The following ADCK1 variants were observed in gnomAD, a reference collection of about 807,000 sequenced individuals.
ADCK1 encodes the protein aarF domain-containing protein kinase 1.
Under a neutral mutation model 52.3 loss-of-function variants are expected in ADCK1, and 41 were observed. That is an observed-to-expected ratio of 0.78 (90% CI 0.61 to 1.02). The LOEUF is 1.02. Ranked by LOEUF, ADCK1 falls within the 50% of genes least tolerant of loss-of-function variation. ADCK1 has a pLI of 0.00. For missense variants in ADCK1, 658 were observed against 679.5 expected (o/e 0.97, Z 0.35); for synonymous variants, 250 against 274.6 (o/e 0.91, Z 0.89).
intron 8 of ADCK1, among the ~76,000 whole-genome samples, chr14:77,925,133 C>T (rs2084159469): frequency 6.6e-6 from 1 of 152,258 alleles, no homozygotes; most frequent in African/African-American, 2.4e-5. Context: ...GGGGATTCTG[C>T]TCCTTCTCTC....
chr14:77,822,221 C>T (rs1006943882), intron 2 of ADCK1, among the ~76,000 whole-genome samples: 5 of 152,096 alleles, frequency 3.3e-5, no homozygotes, highest in Admixed American at 6.6e-5. Flanking sequence ...GCAATTTTGG[C>T]GTGGGCCCCT....
chr14:77,813,869 G>A lies in ADCK1; in HGVS notation c.-11-5099G>A, dbSNP rs185345778. On this transcript the variant is annotated intron_variant, in intron 1 of 10. Coordinates refer to ENST00000238561, the MANE Select transcript of ADCK1 (RefSeq NM_020421.4). ...ACTGCAACCTCTACCTCCTGTTCAA[G>A]TGGTTTTCCTGCCACAGCCTCTTGA... is the stretch of plus-strand genomic sequence containing the variant. 8.1e-4 allele frequency among the ~76,000 whole-genome samples: 122 copies of A among 151,046 alleles called. No homozygotes were observed. In the Middle Eastern group the frequency reaches 0.01, roughly 13 times the overall value.
intron 4 of ADCK1, among the ~76,000 whole-genome samples, chr14:77,862,885 A>T (rs941762476): frequency 2.6e-5 from 4 of 152,144 alleles, no homozygotes; most frequent in Non-Finnish European, 4.4e-5. Context: ...GAGGAGAGAG[A>T]GGTTGCCTTG....
intron 3 of ADCK1, among the ~76,000 whole-genome samples, chr14:77,853,499 A>C (rs1024057899): frequency 6.6e-6 from 1 of 152,168 alleles, no homozygotes; most frequent in African/African-American, 2.4e-5. Flanking sequence ...CAGTTAAGTT[A>C]CCTGAAGTAG....
At chr14:77,808,759 A>G (rs1273295532) in intron 1 of ADCK1, among the ~76,000 whole-genome samples, 2 of 152,156 alleles carry the variant, frequency 1.3e-5, no homozygotes, top group Admixed American at 6.6e-5. Context: ...TATTTTTAGT[A>G]GAGACGGAGT....
intron 4 of ADCK1, among the ~76,000 whole-genome samples, chr14:77,875,804 G>T (rs1217149247): frequency 6.6e-6 from 1 of 152,164 alleles, no homozygotes; most frequent in African/African-American, 2.4e-5. Context: ...TGAGGAGGAA[G>T]CCCAGGAGGG....
At chr14:77,841,793 G>A (rs1468439375) in intron 3 of ADCK1, among the ~76,000 whole-genome samples, 2 of 142,664 alleles carry the variant, frequency 1.4e-5, no homozygotes, top group East Asian at 4.2e-4. Flanking sequence ...GCACTGAGCC[G>A]AGATCACACC....
chr14:77,838,498 G>T (rs893325712), intron 3 of ADCK1, among the ~76,000 whole-genome samples: 1 of 152,148 alleles, frequency 6.6e-6, no homozygotes. Context: ...CCAGGCTCAG[G>T]TGGTTCTCCC....
rs768568212 is a variant in ADCK1 at position 77,925,827 on chromosome 14, A to G, written c.1072A>G (p.Met358Val). 3 of 1,614,212 alleles carry G rather than the reference A, an allele frequency of 1.9e-6. No individual in the cohort carries two copies. Among genetic ancestry groups the G allele is most frequent in the Non-Finnish European group, 1.7e-6 (2 of 1,180,020 alleles). The change falls in exon 9 of 11, where the codon ATG becomes GTG. Residue 358 changes from methionine to valine, a missense_variant. Transcript: ENST00000238561. ...HLWQSLIWTD[M>V]KRVKEYSQRL... ...CTGGCAGTCTCTGATCTGGACTGAC[A>G]TGAAGAGAGTGAAGGAGTACAGCCA...
intron 3 of ADCK1, among the ~76,000 whole-genome samples, chr14:77,826,763 CT>C (rs2081716194): frequency 6.6e-6 from 1 of 152,170 alleles, no homozygotes; most frequent in Non-Finnish European, 1.5e-5. Context: ...AGCATATAAA[CT>C]TTCCTCTGGG....
rs192395435 is a variant in ADCK1 at position 77,931,429 on chromosome 14, C to T, written c.1207-89C>T. On this transcript the variant is annotated intron_variant, in intron 9 of 10. Transcript: ENST00000238561. Reference sequence around the variant, plus strand: ...CTCCCTCCTGGGGCTTCTTTGCAGCCCTCTGGTCACAGCCTGCCAGACCCC... The same window carrying T: ...CTCCCTCCTGGGGCTTCTTTGCAGCTCTCTGGTCACAGCCTGCCAGACCCC... The T allele has an allele frequency of 1.3e-5, 18 of 1,375,526 alleles. No homozygotes were observed. In the Admixed American group the frequency reaches 1.8e-4, roughly 13 times the overall value. The allele number at this position is 1,375,526 out of a possible 1,614,324, so 85.2% of individuals were successfully genotyped here. A position where few individuals can be genotyped will look rare whatever the true frequency, so the allele number is the denominator to read the frequency against.
At chr14:77,865,480 A>T (rs2082642705) in intron 4 of ADCK1, among the ~76,000 whole-genome samples, 2 of 152,152 alleles carry the variant, frequency 1.3e-5, no homozygotes, top group African/African-American at 2.4e-5. Context: ...GACACCCCGT[A>T]TCAAAACAAA....
At chr14:77,926,955 T>A (rs1038650515) in intron 9 of ADCK1, among the ~76,000 whole-genome samples, 1 of 152,192 alleles carries the variant, frequency 6.6e-6, no homozygotes, top group African/African-American at 2.4e-5. Flanking sequence ...CCACTTAGAC[T>A]TGCCTGAATC....
chr14:77,916,062 G>T (rs1286871983), intron 7 of ADCK1, among the ~76,000 whole-genome samples: 2 of 152,188 alleles, frequency 1.3e-5, no homozygotes, highest in Non-Finnish European at 2.9e-5. Flanking sequence ...AAGATGGGGG[G>T]AAACATGTAG....
intron 7 of ADCK1, among the ~76,000 whole-genome samples, chr14:77,920,603 TA>T (rs918619784): frequency 1.1e-4 from 16 of 152,160 alleles, no homozygotes; most frequent in Non-Finnish European, 1.3e-4. Flanking sequence ...ATTAACGAGT[TA>T]AAAAAACTTT....
chr14:77,800,425 C>G (rs993503538), intron 1 of ADCK1, among the ~76,000 whole-genome samples: 2 of 152,278 alleles, frequency 1.3e-5, no homozygotes, highest in Non-Finnish European at 2.9e-5. Flanking sequence ...GTTTGGCACA[C>G]CAGTGGGCTT....
chr14:77,916,232 C>T (rs1013593777), intron 7 of ADCK1, among the ~76,000 whole-genome samples: 2 of 151,994 alleles, frequency 1.3e-5, no homozygotes, highest in Admixed American at 1.3e-4. Flanking sequence ...TCCCTAGGAC[C>T]CCTCCCACCT....
chr14:77,815,833 TGAGATGGAGTCTCG>T (rs2081437405), intron 1 of ADCK1, among the ~76,000 whole-genome samples: 1 of 145,682 alleles, frequency 6.9e-6, no homozygotes, highest in Non-Finnish European at 1.5e-5. Flanking sequence ...TTTTTTTTTT[TGAGATGGAGTCTCG>T]TTCTGTTGCC....
chr14:77,805,263 T>A (rs1306950885), intron 1 of ADCK1, among the ~76,000 whole-genome samples: 1 of 118,944 alleles, frequency 8.4e-6, no homozygotes, highest in Non-Finnish European at 1.8e-5. Context: ...TTTTTTTTTT[T>A]TTTTTTTTTT....
Sources: allele counts gnomAD v4.1 joint callset (sites outside exome capture counted in the v4.1 genomes callset), GRCh38; gene constraint gnomAD v4.1.1; transcripts MANE v1.5; gene names NCBI Gene and HGNC (gene_info 2026-07-23, HGNC 2026-07-21).